Variants in ALPK3 observed in about 807,000 individuals in gnomAD.
The protein encoded by ALPK3 is alpha kinase 3.
Under a neutral mutation model 140.0 loss-of-function variants are expected in ALPK3, and 102 were observed. The observed-to-expected ratio is 0.73, with a 90% CI of 0.62 to 0.86. ALPK3 has a LOEUF of 0.86. Among genes scored for constraint, ALPK3 ranks in the 40% least tolerant of loss-of-function variants. The pLI is 0.00. For synonymous variants in ALPK3, 938 were observed against 898.5 expected (o/e 1.04, Z -0.79); for missense variants, 2,254 against 2,208.2 (o/e 1.02, Z -0.42).
intron 3 of ALPK3, among the ~76,000 whole-genome samples, chr15:84,834,624 A>G (rs1963579846): frequency 6.6e-6 from 1 of 152,236 alleles, no homozygotes; most frequent in Non-Finnish European, 1.5e-5. Flanking sequence ...TATTCTTTTG[A>G]ATCGGAGCTT....
intron 5 of ALPK3, among the ~76,000 whole-genome samples, chr15:84,845,047 T>C (rs1328719473): frequency 1.3e-5 from 2 of 152,168 alleles, no homozygotes; most frequent in African/African-American, 2.4e-5. Flanking sequence ...ATACACCTAC[T>C]TGACAACTTT....
Position 84,831,484 on chromosome 15 carries a change from C to A in ALPK3, c.304+3879C>A, listed in dbSNP as rs796798655. Among the ~76,000 whole-genome samples, 5 of 152,238 alleles carry A rather than the reference C, an allele frequency of 3.3e-5. 1 individual carries two copies. Among genetic ancestry groups the A allele is most frequent in the African/African-American group, 1.2e-4 (5 of 41,550 alleles). On this transcript the variant is annotated intron_variant, in intron 3 of 13. Coordinates refer to ENST00000258888, the MANE Select transcript of ALPK3 (RefSeq NM_020778.5). ...TTAGTTTTATCTTTCAACTCTTCTA[C>A]TGAATTTTAATTTCCAAGGGTTTTA... is the stretch of plus-strand genomic sequence containing the variant.
At chr15:84,823,303 ATGAT>A (rs1462478506) in intron 1 of ALPK3, 23 bp from the exon 2 acceptor site, 2 of 1,614,002 alleles carry the variant, frequency 1.2e-6, no homozygotes, top group Non-Finnish European at 1.7e-6. Flanking sequence ...TTTTGGCCTA[ATGAT>A]TCCATTTGCT....
rs1290782008 is a variant in ALPK3 at position 84,870,452 on chromosome 15, C to A, written c.*1996C>A. ...TGTTTGGAGGCAAAGATGTATGAGG[C>A]CATCTCAGGAGAGACTACTTGTTAG... On this transcript the variant is annotated 3_prime_UTR_variant, in exon 14 of 14. Transcript: ENST00000258888. 1 of 152,236 alleles carries A rather than the reference C, an allele frequency of 6.6e-6. No individual in the cohort carries two copies. The highest frequency in any genetic ancestry group is 2.4e-5 in the African/African-American group (1 of 41,458). The allele number at this position is 152,236 out of a possible 1,614,324, so 9.4% of individuals were successfully genotyped here.
intron 5 of ALPK3, among the ~76,000 whole-genome samples, chr15:84,846,067 CA>C (rs1963727725): frequency 6.6e-6 from 1 of 151,756 alleles, no homozygotes; most frequent in Non-Finnish European, 1.5e-5. Context: ...AGCTTCGTCT[CA>C]AAAATAAAAC....
At chr15:84,860,731 A>G (rs1963934399) in intron 9 of ALPK3, among the ~76,000 whole-genome samples, 1 of 152,222 alleles carries the variant, frequency 6.6e-6, no homozygotes, top group East Asian at 1.9e-4. Context: ...CCAACTAGTG[A>G]CTTTGTTTTG....
In ALPK3 at chr15:84,857,669, A is replaced by G; in HGVS notation, c.2931A>G (p.Gly977=). 6.2e-7 allele frequency: 1 copy of G among 1,606,604 alleles called. No individual in the cohort carries two copies. The highest frequency in any genetic ancestry group is 8.5e-7 in the Non-Finnish European group (1 of 1,174,632). The part of the protein sequence containing the change: ...LLKLSSTETS[G]AGGESQVGAA... The stretch of plus-strand genomic sequence containing the variant: ...AGCTGTCCAGCACAGAGACAAGTGG[A>G]GCAGGGGGAGAGTCCCAGGTGGGGG... Residue 977 remains glycine (G), a synonymous_variant, in exon 6 of 14, where the codon GGA becomes GGG. Transcript: ENST00000258888.
At chr15:84,821,963 CG>C (rs1428018358) in intron 1 of ALPK3, among the ~76,000 whole-genome samples, 2 of 151,952 alleles carry the variant, frequency 1.3e-5, no homozygotes, top group Admixed American at 6.6e-5. Context: ...GCTGTGGTGG[CG>C]CCGGAGCATT....
Position 84,839,603 on chromosome 15 carries a change from G to A in ALPK3, c.423-99G>A. ...CACACGGCAGGGCTTGCTGTAGGGA[G>A]GGGGAAGTGTGCCCGGCTCTGAACG... On this transcript the variant is annotated intron_variant, in intron 4 of 13. Transcript: ENST00000258888. The A allele has an allele frequency of 3.0e-6, 4 of 1,321,366 alleles. No individual in the cohort carries two copies. In the South Asian group the frequency reaches 5.6e-5, roughly 19 times the overall value. The allele number at this position is 1,321,366 out of a possible 1,614,324, so 81.9% of individuals were successfully genotyped here. A position where few individuals can be genotyped will look rare whatever the true frequency, so the allele number is the denominator to read the frequency against.
At chr15:84,860,587 G>A (rs11853985) in intron 9 of ALPK3, among the ~76,000 whole-genome samples, 44,778 of 152,166 alleles carry the variant, frequency 0.29, 7,628 homozygotes, top group East Asian at 0.54. Flanking sequence ...GGATGGGCAC[G>A]TACTGCTCCT....
intron 5 of ALPK3, among the ~76,000 whole-genome samples, chr15:84,850,879 T>TATATACACACACACACACACACACAC (rs144798232): frequency 6.3e-5 from 9 of 142,364 alleles, no homozygotes; most frequent in Non-Finnish European, 1.4e-4. Flanking sequence ...GTTCCAGATA[T>TATATACACACACACACACACACACAC]ACACACACAC....
intron 3 of ALPK3, among the ~76,000 whole-genome samples, chr15:84,828,523 G>A (rs550745784): frequency 1.3e-3 from 192 of 152,278 alleles, no homozygotes; most frequent in Admixed American, 2.2e-3. Flanking sequence ...TGTTGTTTCT[G>A]TAAGTCAAGG....
intron 12 of ALPK3, 137 bp downstream of exon 12, chr15:84,864,802 T>C: frequency 1.0e-6 from 1 of 970,266 alleles, no homozygotes; most frequent in Admixed American, 2.7e-5. Context: ...ACAATAATCT[T>C]GTAAAGTAGA....
intron 3 of ALPK3, among the ~76,000 whole-genome samples, chr15:84,834,574 G>A (rs1269156496): frequency 6.6e-6 from 1 of 152,230 alleles, no homozygotes; most frequent in African/African-American, 2.4e-5. Flanking sequence ...GAAATTCTAT[G>A]TATTTGAAAG....
Position 84,860,160 on chromosome 15 carries a change from A to G in ALPK3, c.4129+88A>G. The G allele has an allele frequency of 4.1e-6, 6 of 1,479,384 alleles. No individual in the cohort carries two copies. In the South Asian group the frequency reaches 6.9e-5, roughly 17 times the overall value. The allele number at this position is 1,479,384 out of a possible 1,614,324, so 91.6% of individuals were successfully genotyped here. On this transcript the variant is annotated intron_variant, in intron 9 of 13. Transcript: ENST00000258888. ...CTTTAAGGGCTTGGAATCTGGTCCCAATCCACATACTGCTCCTCTTTGCCT... is the reference window on the plus strand; with the variant it reads ...CTTTAAGGGCTTGGAATCTGGTCCCGATCCACATACTGCTCCTCTTTGCCT...
chr15:84,832,612 A>T (rs566480647), intron 3 of ALPK3, among the ~76,000 whole-genome samples: 2 of 152,164 alleles, frequency 1.3e-5, no homozygotes, highest in East Asian at 3.9e-4. Context: ...TTGTTTACAC[A>T]TCTCTCTCTC....
At chr15:84,836,721 T>C in intron 3 of ALPK3, among the ~76,000 whole-genome samples, 1 of 152,312 alleles carries the variant, frequency 6.6e-6, no homozygotes, top group East Asian at 1.9e-4. Context: ...CAGTCAGAAA[T>C]AACGTCCAGG....
rs1964033119 is a variant in ALPK3, at chr15:84,868,704, A to C, written c.*248A>C. 1.8e-6 allele frequency: 1 copy of C among 555,168 alleles called. No individual in the cohort carries two copies. Among genetic ancestry groups the C allele is most frequent in the Non-Finnish European group, 3.2e-6 (1 of 312,036 alleles). 34.4% of individuals were successfully genotyped at this position (555,168 alleles called of 1,614,324 possible). A position where few individuals can be genotyped will look rare whatever the true frequency, so the allele number is the denominator to read the frequency against. On this transcript the variant is annotated 3_prime_UTR_variant, in exon 14 of 14. Transcript: ENST00000258888. Reference sequence around the variant, plus strand: ...GGCTCCCGGGCCTCAAGCAGTCCCCACCTCCAAGTGCCTGGCAACCTAGGC... The same window carrying C: ...GGCTCCCGGGCCTCAAGCAGTCCCCCCCTCCAAGTGCCTGGCAACCTAGGC...
In ALPK3 at chr15:84,858,341, G is replaced by T. The variant is rs1180546676; in HGVS notation, c.3603G>T (p.Val1201=). 3 of 1,557,644 alleles carry T rather than the reference G, an allele frequency of 1.9e-6. No individual in the cohort carries two copies. In the East Asian group the frequency reaches 7.2e-5, roughly 38 times the overall value. ...CCCGGGGGCCCAGGAAAAGCCTGGT[G>T]CCTGGGTCCCCAGGGACTCCAGGGC... is the stretch of plus-strand genomic sequence containing the variant. ...VSPRGPRKSL[V]PGSPGTPGRE... The change falls in exon 6 of 14, where the codon GTG becomes GTT. Residue 1201 remains valine, a synonymous_variant. Transcript: ENST00000258888.
Sources: allele counts gnomAD v4.1 joint callset (sites outside exome capture counted in the v4.1 genomes callset), GRCh38; gene constraint gnomAD v4.1.1; transcripts MANE v1.5; gene names NCBI Gene and HGNC (gene_info 2026-07-23, HGNC 2026-07-21).